APOL5: variants seen among roughly 807,000 people sequenced by gnomAD.
APOL5 encodes the protein apolipoprotein L, 5.
A neutral mutation model predicts 35.5 loss-of-function variants in APOL5; 29 were observed. The observed-to-expected ratio is 0.82, with a 90% CI of 0.61 to 1.11. APOL5 has a LOEUF of 1.11. Among genes scored for constraint, APOL5 ranks in the 50% most tolerant of loss-of-function variants. The pLI, the probability that APOL5 is intolerant of heterozygous loss-of-function variation, is 0.00. For synonymous variants in APOL5, 188 were observed against 200.2 expected (o/e 0.94, Z 0.51); for missense variants, 514 against 530.4 (o/e 0.97, Z 0.30).
At chr22:35,724,393 T>A (rs5999982) in intron 2 of APOL5, among the ~76,000 whole-genome samples, 14,924 of 145,720 alleles carry the variant, frequency 0.1, 2,523 homozygotes, top group African/African-American at 0.35. Flanking sequence ...TTTTTTTTTT[T>A]AAAGAAAAAG....
In APOL5 at chr22:35,726,434, C is replaced by T; in HGVS notation, c.366C>T (p.Thr122=). The T allele has an allele frequency of 1.2e-6, 2 of 1,614,086 alleles. No homozygotes were observed. The change falls in exon 3 of 5, where the codon ACC becomes ACT. Residue 122 remains threonine (T), a synonymous_variant. Transcript: ENST00000249044. ...ELEQNIKELN[T]LADQVDTTHE... The stretch of plus-strand genomic sequence containing the variant: ...AACAGAACATCAAAGAACTTAACAC[C>T]CTTGCGGACCAAGTTGACACCACTC...
intron 2 of APOL5, among the ~76,000 whole-genome samples, chr22:35,724,145 T>C (rs1323067119): frequency 1.3e-5 from 2 of 151,350 alleles, no homozygotes; most frequent in Non-Finnish European, 3.0e-5. Context: ...GACACAAAAG[T>C]TAAGAGGAAC....
chr22:35,711,084 C>T, the APOL5 span, among the ~76,000 whole-genome samples: 3 of 152,306 alleles, frequency 2.0e-5, no homozygotes, highest in South Asian at 2.1e-4. Flanking sequence ...GCAGGAGAAT[C>T]GCTTGAAGCC....
At chr22:35,721,102 G>A (rs769636448) in intron 2 of APOL5, among the ~76,000 whole-genome samples, 2 of 152,124 alleles carry the variant, frequency 1.3e-5, no homozygotes, top group Non-Finnish European at 2.9e-5. Flanking sequence ...CAGATCTGTA[G>A]CCACCTTCAT....
At chr22:35,719,940 G>A (rs1029233485) in intron 1 of APOL5, among the ~76,000 whole-genome samples, 3 of 152,190 alleles carry the variant, frequency 2.0e-5, no homozygotes, top group Non-Finnish European at 4.4e-5. Context: ...TGGGAAGGTG[G>A]TCTTCCCCTG....
At chr22:35,710,579 TA>T in the APOL5 span, among the ~76,000 whole-genome samples, 1 of 152,116 alleles carries the variant, frequency 6.6e-6, no homozygotes, top group Admixed American at 6.6e-5. Context: ...CAAGCATTGT[TA>T]AGGGTACAGG....
chr22:35,710,798 G>A, the APOL5 span, among the ~76,000 whole-genome samples: 3 of 152,142 alleles, frequency 2.0e-5, no homozygotes, highest in South Asian at 2.1e-4. Context: ...ATCCTACGGC[G>A]TGTGTCCTTT....
upstream of APOL5, among the ~76,000 whole-genome samples, chr22:35,714,980 A>G (rs188427564): frequency 1.2e-4 from 18 of 152,366 alleles, no homozygotes; most frequent in East Asian, 3.5e-3. Flanking sequence ...GAGCTTTCTC[A>G]TGGAAGATGC....
chr22:35,715,546 T>A (rs1261271313), upstream of APOL5, among the ~76,000 whole-genome samples: 3 of 152,100 alleles, frequency 2.0e-5, no homozygotes, highest in Non-Finnish European at 4.4e-5. Flanking sequence ...CTCGGGAGAC[T>A]GAGGCAGGAG....
chr22:35,724,033 G>A (rs1927062050), intron 2 of APOL5, among the ~76,000 whole-genome samples: 1 of 152,266 alleles, frequency 6.6e-6, no homozygotes, highest in South Asian at 2.1e-4. Context: ...GCCCTCTCCC[G>A]TGGAAGGGGG....
At chr22:35,714,457 C>A (rs1385962023), upstream of APOL5, among the ~76,000 whole-genome samples, 1 of 152,178 alleles carries the variant, frequency 6.6e-6, no homozygotes, top group Non-Finnish European at 1.5e-5. Flanking sequence ...TTTGGCCCAG[C>A]CATGCCTTCT....
At chr22:35,713,377 A>T (rs547312313), upstream of APOL5, among the ~76,000 whole-genome samples, 52 of 152,292 alleles carry the variant, frequency 3.4e-4, no homozygotes, top group African/African-American at 1.2e-3. Context: ...CGAAAGAAAC[A>T]GATGCTGGGG....
chr22:35,716,168 G>A (rs1926737876), upstream of APOL5, among the ~76,000 whole-genome samples: 1 of 152,204 alleles, frequency 6.6e-6, no homozygotes, highest in African/African-American at 2.4e-5. Flanking sequence ...GTCTTACCAT[G>A]TACTTGGCAG....
At chr22:35,718,818 G>A (rs1926855514) in intron 1 of APOL5, among the ~76,000 whole-genome samples, 1 of 152,112 alleles carries the variant, frequency 6.6e-6, no homozygotes, top group Non-Finnish European at 1.5e-5. Context: ...AGCACTTTGG[G>A]AGGCCAAGGC....
chr22:35,718,593 C>CAA lies in APOL5; in HGVS notation c.55+690_55+691dup, dbSNP rs58513283. 2.8e-3 allele frequency among the ~76,000 whole-genome samples: 269 copies of CAA among 96,660 alleles called. 1 individual carries two copies. The highest frequency in any genetic ancestry group is 3.9e-3 in the Non-Finnish European group (187 of 48,264). 63.4% of individuals were successfully genotyped at this position (96,660 alleles called of 152,430 possible). A position where few individuals can be genotyped will look rare whatever the true frequency, so the allele number is the denominator to read the frequency against. ...TGGACAACAGACAGAGACCCCGTCT[C>CAA]AAAAAAAAAAAAAAAAAAAAAAAAG... On this transcript the variant is annotated intron_variant, in intron 1 of 4. Coordinates refer to ENST00000249044, the MANE Select transcript of APOL5 (RefSeq NM_030642.1).
chr22:35,718,994 G>A (rs1324801165), intron 1 of APOL5, among the ~76,000 whole-genome samples: 1 of 150,480 alleles, frequency 6.6e-6, no homozygotes, highest in African/African-American at 2.5e-5. Flanking sequence ...AGGAGGCGCA[G>A]GTTGCAGTGA....
At chr22:35,721,738 A>T (rs927527286) in intron 2 of APOL5, among the ~76,000 whole-genome samples, 1 of 151,938 alleles carries the variant, frequency 6.6e-6, no homozygotes, top group Non-Finnish European at 1.5e-5. Flanking sequence ...TTGAGATCCA[A>T]GCTCCTGGGA....
the APOL5 span, among the ~76,000 whole-genome samples, chr22:35,711,000 C>T: frequency 2.6e-5 from 4 of 152,130 alleles, no homozygotes; most frequent in Admixed American, 2.6e-4. Context: ...AACCCCATCT[C>T]TATTAAAAAT....
chr22:35,726,211 C>A lies in APOL5; in HGVS notation c.143C>A (p.Pro48His). ...VWGKSPEPEF[P>H]SLVNLCQSWK... ...GCTCAGATTGCCTAGATGTCTTTAG[C>A]CTCACTCGTGAACCTGTGCCAGAGT... The change falls in exon 3 of 5, where the codon CCC (proline) becomes CAC (histidine). Residue 48 changes from proline to histidine, a missense_variant and splice_region_variant. Physicochemically the swap from Pro to His is moderately conservative, Grantham distance 77. Around this residue, in one of 3 missense-constraint regions of APOL5, gnomAD observed 254 missense variants for 254.7 expected, o/e 1.00. Coordinates refer to ENST00000249044, the MANE Select transcript of APOL5 (RefSeq NM_030642.1). 1 of 1,606,536 alleles carries A rather than the reference C, an allele frequency of 6.2e-7. No homozygotes were observed.
Sources: allele counts gnomAD v4.1 joint callset (sites outside exome capture counted in the v4.1 genomes callset), GRCh38; gene constraint gnomAD v4.1.1; regional missense constraint gnomAD v4.1.1; transcripts MANE v1.5; gene names NCBI Gene and HGNC (gene_info 2026-07-23, HGNC 2026-07-21).